ARVCF: variants seen among roughly 807,000 people sequenced by gnomAD.
The protein encoded by ARVCF is splicing regulator ARVCF.
In ARVCF, 66 loss-of-function variants were observed where a neutral mutation model predicts 90.9. That is an observed-to-expected ratio of 0.73 (90% CI 0.60 to 0.89). The LOEUF is 0.89. Ranked by LOEUF, ARVCF falls within the 40% of genes least tolerant of loss-of-function variation. The probability of loss-of-function intolerance (pLI) is 0.00; values close to 1 mark genes in which losing one functional copy is unlikely to be tolerated. For synonymous variants in ARVCF, 653 were observed against 603.4 expected (o/e 1.08, Z -1.21); for missense variants, 1,469 against 1,382.3 (o/e 1.06, Z -1.00).
chr22:19,989,012 A>C (rs1222994839), intron 3 of ARVCF, among the ~76,000 whole-genome samples: 3 of 152,152 alleles, frequency 2.0e-5, no homozygotes, highest in Non-Finnish European at 4.4e-5. Context: ...GGGTCCTCCC[A>C]CACTGCCTGT....
chr22:19,967,560 G>A (rs556544357), downstream of ARVCF: 3 of 370,214 alleles, frequency 8.1e-6, no homozygotes, highest in East Asian at 7.2e-5. Flanking sequence ...GGCTGGAAAC[G>A]ACCGCCACCC....
At chr22:19,983,921 T>C (rs1943631260) in intron 3 of ARVCF, among the ~76,000 whole-genome samples, 1 of 152,056 alleles carries the variant, frequency 6.6e-6, no homozygotes, top group Non-Finnish European at 1.5e-5. Context: ...GAGCTGGGAC[T>C]GCTCTGAAGC....
intron 7 of ARVCF, 123 bp from the exon 8 acceptor site, chr22:19,978,198 G>A: frequency 2.5e-6 from 2 of 809,452 alleles, no homozygotes; most frequent in South Asian, 3.8e-5. Flanking sequence ...TAGCACTAAT[G>A]GGAAAGGACC....
downstream of ARVCF, chr22:19,968,875 A>T (rs973872583): frequency 5.3e-6 from 4 of 751,106 alleles, no homozygotes; most frequent in African/African-American, 5.1e-5. Context: ...GCGCCCTGAC[A>T]TGCTAACCTC....
chr22:19,973,230 A>C lies in ARVCF; in HGVS notation c.2327T>G (p.Val776Gly), dbSNP rs1281313975. 9.9e-6 allele frequency: 16 copies of C among 1,610,770 alleles called. No homozygotes were observed. Among genetic ancestry groups the C allele is most frequent in the Non-Finnish European group, 1.3e-5 (15 of 1,179,230 alleles). The change falls in exon 14 of 20, where the codon GTG becomes GGG. Residue 776 changes from valine to glycine, a missense_variant. Coordinates refer to ENST00000263207, the MANE Select transcript of ARVCF (RefSeq NM_001670.3). Reference sequence around the variant, plus strand: ...GTGGATGGTGTTGAGCACCGCCACCACGGTGTCTTCCTCCAGGCAGGCCCC... The same window carrying C: ...GTGGATGGTGTTGAGCACCGCCACCCCGGTGTCTTCCTCCAGGCAGGCCCC... ...RPGACLEEDT[V>G]VAVLNTIHEI...
intron 2 of ARVCF, among the ~76,000 whole-genome samples, chr22:20,003,475 C>A (rs558079897): frequency 2.6e-5 from 4 of 151,994 alleles, no homozygotes; most frequent in East Asian, 1.9e-4. Context: ...AACAAACAAA[C>A]AAAAAAACAC....
In ARVCF at chr22:19,981,568, CGAGA is replaced by C; in HGVS notation, c.535_538del (p.Ser179GlufsTer142). ...GCCACCCCCACTGCTGAGGTAGGCT[CGAGA>C]GAGTGTGGCCACTGGGCCACCACCA... On this transcript the variant is annotated frameshift_variant, in exon 5 of 20. Transcript: ENST00000263207. LOFTEE classifies it high-confidence loss of function. 6.2e-7 allele frequency: 1 copy of C among 1,603,758 alleles called. No homozygotes were observed. Among genetic ancestry groups the C allele is most frequent in the Non-Finnish European group, 8.5e-7 (1 of 1,177,814 alleles).
chr22:19,998,881 A>C (rs984390327), intron 2 of ARVCF, among the ~76,000 whole-genome samples: 1 of 152,248 alleles, frequency 6.6e-6, no homozygotes, highest in Admixed American at 6.5e-5. Context: ...CTGTCCTCTC[A>C]CTTCTCAAGC....
downstream of ARVCF, chr22:19,967,060 C>T: frequency 8.2e-7 from 1 of 1,213,812 alleles, no homozygotes; most frequent in Non-Finnish European, 1.1e-6. Context: ...GCCTTCTTTC[C>T]CCTCTTGACC....
intron 1 of ARVCF, among the ~76,000 whole-genome samples, 156 bp downstream of exon 1, chr22:20,016,433 G>A (rs1945166574): frequency 6.6e-6 from 1 of 152,090 alleles, no homozygotes; most frequent in Admixed American, 6.5e-5. Flanking sequence ...CCGACGTCCG[G>A]CCCAGACCCT....
Position 19,982,049 on chromosome 22 carries a change from C to T in ARVCF, c.253G>A (p.Glu85Lys). 1 of 1,612,802 alleles carries T rather than the reference C, an allele frequency of 6.2e-7. No homozygotes were observed. Among genetic ancestry groups the T allele is most frequent in the Non-Finnish European group, 8.5e-7 (1 of 1,179,970 alleles). The change falls in exon 4 of 20, where the codon GAG becomes AAG. Residue 85 changes from glutamate to lysine, a missense_variant. Physicochemically the swap from Glu to Lys is moderately conservative, Grantham distance 56. Transcript: ENST00000263207. ...GTCTCCTCCAGCACATCAGGTGCCTCCGGCATCGTGGCCAGTGAGGCCTGG... is the reference window on the plus strand; with the variant it reads ...GTCTCCTCCAGCACATCAGGTGCCTTCGGCATCGTGGCCAGTGAGGCCTGG... ...GSQASLATMP[E>K]APDVLEETVT...
At chr22:19,989,786 G>C (rs1478618228) in intron 3 of ARVCF, among the ~76,000 whole-genome samples, 1 of 152,080 alleles carries the variant, frequency 6.6e-6, no homozygotes, top group Admixed American at 6.5e-5. Flanking sequence ...GCAGCAGGAG[G>C]CAACCCCCCC....
intron 1 of ARVCF, among the ~76,000 whole-genome samples, chr22:20,012,533 C>G (rs1337770404): frequency 6.6e-6 from 1 of 152,362 alleles, no homozygotes; most frequent in East Asian, 1.9e-4. Context: ...TCTGCAAGCT[C>G]TGGGGTCACC....
chr22:19,999,831 C>G (rs1026039179), intron 2 of ARVCF, among the ~76,000 whole-genome samples: 1 of 152,118 alleles, frequency 6.6e-6, no homozygotes, highest in Non-Finnish European at 1.5e-5. Context: ...GAGACAGAAC[C>G]ACCGGCACCT....
intron 3 of ARVCF, among the ~76,000 whole-genome samples, chr22:19,988,571 C>G (rs1379022758): frequency 2.0e-5 from 3 of 152,240 alleles, no homozygotes; most frequent in Non-Finnish European, 4.4e-5. Context: ...TAGCCAGGAC[C>G]CTGGAGCAGC....
rs201966855 is a variant in ARVCF at position 19,994,076 on chromosome 22, C to T, written c.-18-3264G>A. Among the ~76,000 whole-genome samples, 15 of 151,720 alleles carry T rather than the reference C, an allele frequency of 9.9e-5. No homozygotes were observed. In the East Asian group the frequency reaches 2.7e-3, roughly 28 times the overall value. ...GGGAGGGCAAGCAAAGGAGAGACAG[C>T]GAAGGATGGACAGACAGATGGATAC... On this transcript the variant is annotated intron_variant, in intron 2 of 19. Coordinates refer to ENST00000263207, the MANE Select transcript of ARVCF (RefSeq NM_001670.3).
At chr22:19,976,660 CCACTGCA>C in intron 10 of ARVCF, 39 bp downstream of exon 10, 1 of 1,550,992 alleles carries the variant, frequency 6.4e-7, no homozygotes, top group Non-Finnish European at 8.7e-7. Context: ...TCCCAGGTAC[CCACTGCA>C]CACGCCAGGC....
At chr22:19,986,802 C>A in intron 3 of ARVCF, 1 of 403,966 alleles carries the variant, frequency 2.5e-6, no homozygotes, top group East Asian at 4.0e-5. Flanking sequence ...AGAGGAGGGT[C>A]AAACTGCCAG....
At chr22:19,966,983 G>C (rs1942434663), downstream of ARVCF, 3 of 985,332 alleles carry the variant, frequency 3.0e-6, no homozygotes, top group South Asian at 4.7e-5. Flanking sequence ...TGTTTAGCCA[G>C]TTCTCCAGGT....
Sources: allele counts gnomAD v4.1 joint callset (sites outside exome capture counted in the v4.1 genomes callset), GRCh38; gene constraint gnomAD v4.1.1; transcripts MANE v1.5; gene names NCBI Gene and HGNC (gene_info 2026-07-23, HGNC 2026-07-21).